SDK1: variants seen among roughly 807,000 people sequenced by gnomAD.
SDK1 encodes sidekick cell adhesion molecule 1.
SDK1 carries 157 observed loss-of-function variants against 245.5 expected under a neutral mutation model. That is an observed-to-expected ratio of 0.64 (90% confidence interval 0.56 to 0.73). SDK1 has a LOEUF of 0.73. Ranked by LOEUF, SDK1 falls within the 30% of genes least tolerant of loss-of-function variation. SDK1 has a pLI of 0.00. For missense variants in SDK1, 3,583 were observed against 3,002.3 expected, an observed-to-expected ratio of 1.19 and a Z score of -4.52; for synonymous variants, 1,647 against 1,278.5, an observed-to-expected ratio of 1.29 and a Z score of -6.15.
At chr7:3,378,783 G>A (rs1250667559) in intron 1 of SDK1, among the ~76,000 whole-genome samples, 1 of 151,876 alleles carries the variant, frequency 6.6e-6, no homozygotes, top group Non-Finnish European at 1.5e-5. Flanking sequence ...ATATAGCGGG[G>A]CAGGGTATTC....
intron 20 of SDK1, among the ~76,000 whole-genome samples, chr7:4,069,389 G>A (rs1471478935): frequency 6.6e-6 from 1 of 152,234 alleles, no homozygotes; most frequent in African/African-American, 2.4e-5. Context: ...TTCTGTGTCA[G>A]CCCTCTCTGG....
intron 1 of SDK1, among the ~76,000 whole-genome samples, chr7:3,586,192 G>GT (rs1313602367): frequency 2.0e-5 from 3 of 152,030 alleles, no homozygotes; most frequent in African/African-American, 7.2e-5. Flanking sequence ...GGTGCCTTGG[G>GT]TGAGTGTCTT....
intron 17 of SDK1, among the ~76,000 whole-genome samples, chr7:4,042,696 T>C (rs1788720801): frequency 6.6e-6 from 1 of 152,168 alleles, no homozygotes. Flanking sequence ...TGAAACCCCT[T>C]TTGCCTTGAC....
chr7:3,622,152 A>C (rs542266511), intron 2 of SDK1, among the ~76,000 whole-genome samples: 5 of 152,246 alleles, frequency 3.3e-5, no homozygotes, highest in Admixed American at 3.3e-4. Flanking sequence ...GGGACATAAC[A>C]CCTTCATAAG....
intron 5 of SDK1, among the ~76,000 whole-genome samples, chr7:3,893,728 G>T (rs924095462): frequency 6.6e-6 from 1 of 150,672 alleles, no homozygotes; most frequent in African/African-American, 2.4e-5. Context: ...AGACATTCAG[G>T]ATCTGCCCAG....
chr7:3,889,520 T>G lies in SDK1; in HGVS notation c.848-61403T>G, dbSNP rs529773089. 4.7e-4 allele frequency among the ~76,000 whole-genome samples: 72 copies of G among 152,276 alleles called. 1 individual carries two copies. Among genetic ancestry groups the G allele is most frequent in the African/African-American group, 1.7e-3 (72 of 41,564 alleles). On this transcript the variant is annotated intron_variant, in intron 5 of 44. Transcript: ENST00000404826. ...CATTCTGGCTAGATGATTCTTTTTT[T>G]TTTTAGGGATGGTGTCTTGCTCTGC... is the stretch of plus-strand genomic sequence containing the variant.
intron 17 of SDK1, among the ~76,000 whole-genome samples, chr7:4,027,173 G>T (rs1787423580): frequency 6.6e-6 from 1 of 152,200 alleles, no homozygotes; most frequent in Admixed American, 6.5e-5. Context: ...GAATGGTCCA[G>T]TGAAGGCTGC....
At chr7:3,375,556 A>G (rs1252204611) in intron 1 of SDK1, among the ~76,000 whole-genome samples, 1 of 152,162 alleles carries the variant, frequency 6.6e-6, no homozygotes, top group East Asian at 1.9e-4. Context: ...TCCAAGGGTA[A>G]ATCATACAAG....
intron 5 of SDK1, among the ~76,000 whole-genome samples, chr7:3,855,280 A>G (rs1443008885): frequency 6.6e-6 from 1 of 152,080 alleles, no homozygotes; most frequent in Non-Finnish European, 1.5e-5. Context: ...CAGCTGGGGA[A>G]TGACAACACC....
intron 1 of SDK1, among the ~76,000 whole-genome samples, chr7:3,563,786 C>T (rs966378450): frequency 2.0e-5 from 3 of 151,796 alleles, no homozygotes; most frequent in Non-Finnish European, 4.4e-5. Context: ...AAAAATAAAC[C>T]GTGTATTATG....
rs748737948 is a variant in SDK1 at position 3,826,779 on chromosome 7, A to G, written c.847+5196A>G. ...CCAACAGACTCAACCTGCATAATAA[A>G]TAACATTGAAACTTAGTTTCCTTCT... On this transcript the variant is annotated intron_variant, in intron 5 of 44. Coordinates refer to ENST00000404826, the MANE Select transcript of SDK1 (RefSeq NM_152744.4). Among the ~76,000 whole-genome samples the G allele has an allele frequency of 4.0e-4, 61 of 152,192 alleles. 1 individual carries two copies. The highest frequency in any genetic ancestry group is 1.6e-4 in the Non-Finnish European group (11 of 68,038).
At chr7:3,808,118 A>G (rs1284429724) in intron 4 of SDK1, among the ~76,000 whole-genome samples, 2 of 152,174 alleles carry the variant, frequency 1.3e-5, no homozygotes, top group Non-Finnish European at 2.9e-5. Context: ...CTGCAAGGGA[A>G]TTTGAATCCC....
In SDK1 at chr7:4,267,520, G is replaced by A. The variant is rs375992822; in HGVS notation, c.*2136G>A. The A allele has an allele frequency of 7.9e-4, 777 of 985,456 alleles. No individual in the cohort carries two copies. The highest frequency in any genetic ancestry group is 9.1e-4 in the East Asian group (8 of 8,812). The allele number at this position is 985,456 out of a possible 1,614,324, so 61.0% of individuals were successfully genotyped here. A position where few individuals can be genotyped will look rare whatever the true frequency, so the allele number is the denominator to read the frequency against. ...CGGCCCCGGAGAGGGCGAAGTGGGC[G>A]GGAAGCCAGGATGTGAGCACTGGAA... is the stretch of plus-strand genomic sequence containing the variant. On this transcript the variant is annotated 3_prime_UTR_variant, in exon 45 of 45. Transcript: ENST00000404826.
intron 1 of SDK1, among the ~76,000 whole-genome samples, chr7:3,377,116 A>C (rs891224330): frequency 2.0e-5 from 3 of 151,896 alleles, no homozygotes; most frequent in Non-Finnish European, 4.4e-5. Flanking sequence ...TTCTTTTAGG[A>C]TTCTGTTCTG....
intron 1 of SDK1, among the ~76,000 whole-genome samples, chr7:3,383,573 C>G (rs1303112794): frequency 1.3e-5 from 2 of 152,142 alleles, no homozygotes; most frequent in African/African-American, 4.8e-5. Context: ...ATTGTGCTCT[C>G]TGTTTTGAGG....
chr7:3,438,218 G>A (rs1244159305), intron 1 of SDK1, among the ~76,000 whole-genome samples: 1 of 152,084 alleles, frequency 6.6e-6, no homozygotes, highest in Non-Finnish European at 1.5e-5. Context: ...AACGTTTGCT[G>A]CTAAGACCTA....
intron 1 of SDK1, among the ~76,000 whole-genome samples, chr7:3,470,317 G>C (rs1781140586): frequency 6.6e-6 from 1 of 152,136 alleles, no homozygotes; most frequent in Non-Finnish European, 1.5e-5. Flanking sequence ...TATAGGATCT[G>C]ATACACTGTG....
chr7:3,843,849 AAATCTT>A (rs1780215451), intron 5 of SDK1, among the ~76,000 whole-genome samples: 1 of 152,122 alleles, frequency 6.6e-6, no homozygotes, highest in Non-Finnish European at 1.5e-5. Context: ...AAATGAAATA[AAATCTT>A]ATAAAATAGA....
intron 1 of SDK1, among the ~76,000 whole-genome samples, chr7:3,469,354 C>T (rs902751664): frequency 1.3e-5 from 2 of 152,068 alleles, no homozygotes; most frequent in African/African-American, 4.8e-5. Flanking sequence ...TTGCTTGAGC[C>T]CAGGAGTTCA....
Sources: allele counts gnomAD v4.1 joint callset (sites outside exome capture counted in the v4.1 genomes callset), GRCh38; gene constraint gnomAD v4.1.1; transcripts MANE v1.5; gene names NCBI Gene and HGNC (gene_info 2026-07-23, HGNC 2026-07-21).